SHB: variants seen among roughly 807,000 people sequenced by gnomAD.
SHB encodes SH2 domain containing adaptor protein B.
Under a neutral mutation model 52.3 loss-of-function variants are expected in SHB, and 20 were observed. The observed-to-expected ratio is 0.38, with a 90% CI of 0.27 to 0.56. The LOEUF is 0.56. Among genes scored for constraint, SHB ranks in the 20% least tolerant of loss-of-function variants. SHB has a pLI of 0.71. For missense variants in SHB, 825 were observed against 723.3 expected (o/e 1.14, Z -1.61); for synonymous variants, 397 against 316.5 (o/e 1.25, Z -2.70).
At chr9:38,005,200 A>G (rs545990488) in intron 2 of SHB, among the ~76,000 whole-genome samples, 12 of 152,336 alleles carry the variant, frequency 7.9e-5, no homozygotes, top group African/African-American at 2.6e-4. Context: ...AGAGAGGCCC[A>G]AAAGTTGAGG....
Position 37,975,953 on chromosome 9 carries a change from C to T in SHB, c.839-1116G>A, listed in dbSNP as rs548803673. On this transcript the variant is annotated intron_variant, in intron 2 of 5. Coordinates refer to ENST00000377707, the MANE Select transcript of SHB (RefSeq NM_003028.3). ...GTGGTAGGACCAGGGCAAGCCAATGCGATGAGGCTGGAAAGAACGTGCTTG... is the reference window on the plus strand; with the variant it reads ...GTGGTAGGACCAGGGCAAGCCAATGTGATGAGGCTGGAAAGAACGTGCTTG... 4.6e-5 allele frequency among the ~76,000 whole-genome samples: 7 copies of T among 152,266 alleles called. No homozygotes were observed. The South Asian group carries it at 8.3e-4, about 18-fold the overall frequency.
intron 5 of SHB, among the ~76,000 whole-genome samples, chr9:37,933,019 G>C (rs766044894): frequency 6.6e-6 from 1 of 151,948 alleles, no homozygotes; most frequent in Non-Finnish European, 1.5e-5. Flanking sequence ...AATCCAGAGG[G>C]GCCTTTTAAA....
At chr9:37,963,233 G>A (rs1832713284) in intron 3 of SHB, among the ~76,000 whole-genome samples, 1 of 152,218 alleles carries the variant, frequency 6.6e-6, no homozygotes, top group African/African-American at 2.4e-5. Context: ...GAGGAGACTG[G>A]CATGGTTCTC....
chr9:37,919,928 A>T lies in SHB; in HGVS notation c.1423T>A (p.Phe475Ile). The T allele has an allele frequency of 6.2e-7, 1 of 1,614,150 alleles. No individual in the cohort carries two copies. Among genetic ancestry groups the T allele is most frequent in the Non-Finnish European group, 8.5e-7 (1 of 1,179,978 alleles). Residue 475 changes from phenylalanine to isoleucine, a missense_variant, in exon 6 of 6, where the codon TTC becomes ATC. Phe to Ile is a conservative substitution (Grantham distance 21). Coordinates refer to ENST00000377707, the MANE Select transcript of SHB (RefSeq NM_003028.3). ...TGGATGACTTCCGGGACACTGTCGA[A>T]CGGAGGGCTGTTCTGACCCAGAACG... is the stretch of plus-strand genomic sequence containing the variant. ...KYVLGQNSPPFDSVPEVIHYY... is the reference protein window; with the variant it reads ...KYVLGQNSPPIDSVPEVIHYY...
chr9:37,932,293 A>T (rs1222292105), intron 5 of SHB, among the ~76,000 whole-genome samples: 7 of 150,468 alleles, frequency 4.7e-5, no homozygotes, highest in African/African-American at 7.3e-5. Flanking sequence ...AAAAAAAAAA[A>T]AGAAAAGAAA....
intron 4 of SHB, among the ~76,000 whole-genome samples, chr9:37,952,104 A>C (rs1478936760): frequency 1.3e-5 from 2 of 152,162 alleles, no homozygotes; most frequent in Non-Finnish European, 2.9e-5. Context: ...CTCACCACTC[A>C]CTATATCCTT....
At chr9:38,018,028 A>C (rs753474241) in intron 1 of SHB, among the ~76,000 whole-genome samples, 24 of 152,132 alleles carry the variant, frequency 1.6e-4, no homozygotes, top group Non-Finnish European at 3.5e-4. Context: ...GATGACATCT[A>C]ATCTTATTTC....
intron 1 of SHB, among the ~76,000 whole-genome samples, chr9:38,025,122 G>A (rs752836646): frequency 6.6e-5 from 10 of 152,146 alleles, no homozygotes; most frequent in Admixed American, 2.0e-4. Context: ...CTTTAAAAAT[G>A]TCAGAGTATA....
At chr9:37,941,944 C>G (rs1248441805) in intron 5 of SHB, among the ~76,000 whole-genome samples, 5 of 152,174 alleles carry the variant, frequency 3.3e-5, no homozygotes, top group African/African-American at 1.2e-4. Context: ...ATCCCCACTC[C>G]CACTGGCCCC....
intron 2 of SHB, among the ~76,000 whole-genome samples, chr9:37,982,689 C>T (rs1455771803): frequency 2.0e-5 from 3 of 151,862 alleles, no homozygotes. Flanking sequence ...GTCCTAGCTA[C>T]TCGGGAGGCT....
chr9:37,957,653 G>A (rs1832651057), intron 3 of SHB, among the ~76,000 whole-genome samples: 1 of 152,180 alleles, frequency 6.6e-6, no homozygotes, highest in African/African-American at 2.4e-5. Context: ...ACATGTACTA[G>A]GCACACTTCA....
intron 1 of SHB, among the ~76,000 whole-genome samples, chr9:38,020,847 G>T (rs1468928515): frequency 1.3e-5 from 2 of 152,188 alleles, no homozygotes; most frequent in African/African-American, 4.8e-5. Flanking sequence ...AGGGATCCTA[G>T]CCCCGAGGAT....
At chr9:38,029,734 G>T (rs1328738671) in intron 1 of SHB, among the ~76,000 whole-genome samples, 1 of 152,078 alleles carries the variant, frequency 6.6e-6, no homozygotes, top group Non-Finnish European at 1.5e-5. Flanking sequence ...CAAGTGATAC[G>T]CCTGCCTCAG....
chr9:38,049,484 G>A (rs754942432), intron 1 of SHB, among the ~76,000 whole-genome samples: 13 of 152,000 alleles, frequency 8.6e-5, no homozygotes, highest in Admixed American at 3.9e-4. Flanking sequence ...GGTGAGGCGC[G>A]CCTGTAATCC....
At chr9:38,047,318 C>A (rs1051896307) in intron 1 of SHB, among the ~76,000 whole-genome samples, 9 of 152,226 alleles carry the variant, frequency 5.9e-5, no homozygotes, top group Non-Finnish European at 1.0e-4. Flanking sequence ...ACAGTAAGTG[C>A]TCAACTGAAA....
chr9:38,048,687 A>C (rs1821692090), intron 1 of SHB, among the ~76,000 whole-genome samples: 2 of 152,184 alleles, frequency 1.3e-5, no homozygotes, highest in African/African-American at 2.4e-5. Context: ...TACATTGTTG[A>C]GTGTTTTCCA....
At chr9:37,998,199 G>A (rs1820972919) in intron 2 of SHB, among the ~76,000 whole-genome samples, 1 of 148,566 alleles carries the variant, frequency 6.7e-6, no homozygotes, top group Admixed American at 6.8e-5. Context: ...CCGGGAGCAG[G>A]CAGCTTGGAG....
chr9:37,962,891 G>A (rs1832709048), intron 3 of SHB, among the ~76,000 whole-genome samples: 1 of 152,198 alleles, frequency 6.6e-6, no homozygotes, highest in Non-Finnish European at 1.5e-5. Flanking sequence ...TCCTCTAGTT[G>A]TTGTGGCAAA....
At chr9:37,970,855 G>A (rs1428234680) in intron 3 of SHB, among the ~76,000 whole-genome samples, 5 of 152,000 alleles carry the variant, frequency 3.3e-5, no homozygotes, top group Admixed American at 6.6e-5. Flanking sequence ...GCCCAGGTCT[G>A]TCCCTTAGGA....
Sources: allele counts gnomAD v4.1 joint callset (sites outside exome capture counted in the v4.1 genomes callset), GRCh38; gene constraint gnomAD v4.1.1; transcripts MANE v1.5; gene names NCBI Gene and HGNC (gene_info 2026-07-23, HGNC 2026-07-21).